Variants in GPC6 observed in about 807,000 individuals in gnomAD.
GPC6 encodes glypican 6.
In GPC6, 14 loss-of-function variants were observed where a neutral mutation model predicts 55.2. That is an observed-to-expected ratio of 0.25 (90% CI 0.17 to 0.40). GPC6 has a LOEUF of 0.40. GPC6 is among the 10% of genes least tolerant of loss of function. The pLI is 1.00. For missense variants in GPC6, 641 were observed against 708.5 expected, an observed-to-expected ratio of 0.90 and a Z score of 1.08; for synonymous variants, 278 against 259.6, an observed-to-expected ratio of 1.07 and a Z score of -0.68.
chr13:94,406,489 A>G lies in GPC6; in HGVS notation c.*3272A>G, dbSNP rs1881373605. 1 of 152,154 alleles carries G rather than the reference A, an allele frequency of 6.6e-6. No individual in the cohort carries two copies. Among genetic ancestry groups the G allele is most frequent in the Non-Finnish European group, 1.5e-5 (1 of 67,980 alleles). 9.4% of individuals were successfully genotyped at this position (152,154 alleles called of 1,614,324 possible). The stretch of plus-strand genomic sequence containing the variant: ...ACAATGACTTACCTAGCTAGCATCA[A>G]GTAACTTGTATCACCTGCTTTAAAT... On this transcript the variant is annotated 3_prime_UTR_variant, in exon 9 of 9. Coordinates refer to ENST00000377047, the MANE Select transcript of GPC6 (RefSeq NM_005708.5).
chr13:93,490,460 C>CTT (rs71123487), intron 1 of GPC6, among the ~76,000 whole-genome samples: 6,186 of 30,522 alleles, frequency 0.2, 939 homozygotes, highest in East Asian at 0.42. Flanking sequence ...ATTATTATTT[C>CTT]TTTTTTTTTT....
At chr13:93,812,153 G>A (rs1427451430) in intron 2 of GPC6, among the ~76,000 whole-genome samples, 1 of 121,162 alleles carries the variant, frequency 8.3e-6, no homozygotes, top group Admixed American at 8.3e-5. Flanking sequence ...GGGGGGGGGG[G>A]CGGGGGGTGG....
At chr13:93,848,698 G>A (rs1224441692) in intron 3 of GPC6, among the ~76,000 whole-genome samples, 1 of 152,034 alleles carries the variant, frequency 6.6e-6, no homozygotes, top group Non-Finnish European at 1.5e-5. Context: ...CCGCAGCCTT[G>A]CCTTTAAGTC....
intron 3 of GPC6, among the ~76,000 whole-genome samples, chr13:93,948,378 A>G (rs576794760): frequency 5.9e-5 from 9 of 152,292 alleles, no homozygotes; most frequent in East Asian, 3.9e-4. Flanking sequence ...AGAAGATCCA[A>G]TTATTCTTGT....
intron 4 of GPC6, among the ~76,000 whole-genome samples, chr13:94,032,937 A>T (rs192913119): frequency 3.5e-4 from 53 of 152,328 alleles, no homozygotes; most frequent in Non-Finnish European, 5.1e-4. Context: ...ATTCTGTCAC[A>T]TATTCATTAG....
At chr13:93,916,645 C>G (rs987249876) in intron 3 of GPC6, among the ~76,000 whole-genome samples, 3 of 151,880 alleles carry the variant, frequency 2.0e-5, no homozygotes, top group Non-Finnish European at 1.5e-5. Context: ...TTTCTGCTGG[C>G]AAAAACTAGA....
chr13:94,095,811 A>C (rs79172041), intron 4 of GPC6, among the ~76,000 whole-genome samples: 1 of 152,338 alleles, frequency 6.6e-6, no homozygotes, highest in East Asian at 1.9e-4. Flanking sequence ...AAATTGAAAG[A>C]AAAGTCGACC....
intron 1 of GPC6, among the ~76,000 whole-genome samples, chr13:93,368,602 T>C: frequency 6.6e-6 from 1 of 151,950 alleles, no homozygotes; most frequent in East Asian, 1.9e-4. Context: ...GAAACCCAGC[T>C]TAGTTTCCCT....
chr13:93,784,102 A>G (rs1241152330), intron 2 of GPC6, among the ~76,000 whole-genome samples: 1 of 152,216 alleles, frequency 6.6e-6, no homozygotes, highest in Non-Finnish European at 1.5e-5. Flanking sequence ...ATGTACATAA[A>G]GCAGTACCTA....
intron 3 of GPC6, among the ~76,000 whole-genome samples, chr13:93,969,215 G>A (rs936071782): frequency 1.3e-5 from 2 of 152,192 alleles, no homozygotes; most frequent in Non-Finnish European, 2.9e-5. Flanking sequence ...ACTGTGGTTT[G>A]ATACTGATTG....
Position 93,941,062 on chromosome 13 carries a change from A to C in GPC6, c.712-86667A>C, listed in dbSNP as rs143702951. 2.2e-4 allele frequency among the ~76,000 whole-genome samples: 33 copies of C among 152,328 alleles called. 1 individual carries two copies. In the South Asian group the frequency reaches 2.5e-3, roughly 11 times the overall value. On this transcript the variant is annotated intron_variant, in intron 3 of 8. Coordinates refer to ENST00000377047, the MANE Select transcript of GPC6 (RefSeq NM_005708.5). ...ATTTCCTTTCCTTCTCATAAAACTT[A>C]ATCATTAAATATGGGCAACAGGCTT...
In GPC6 at chr13:93,251,608, A is replaced by G. The variant is rs1876789333; in HGVS notation, c.160+23992A>G. ...CTTGTCTCATGCTTGCAAATTGGTT[A>G]AAGTTTTCTTACCTTTTCAACTCTG... On this transcript the variant is annotated intron_variant, in intron 1 of 8. Coordinates refer to ENST00000377047, the MANE Select transcript of GPC6 (RefSeq NM_005708.5). Among the ~76,000 whole-genome samples the G allele has an allele frequency of 2.6e-5, 4 of 152,170 alleles. 1 individual carries two copies. In the South Asian group the frequency reaches 8.3e-4, roughly 32 times the overall value.
intron 1 of GPC6, among the ~76,000 whole-genome samples, chr13:93,440,146 C>T (rs1235109897): frequency 6.6e-6 from 1 of 152,126 alleles, no homozygotes; most frequent in Non-Finnish European, 1.5e-5. Flanking sequence ...ACCTGATAAT[C>T]AAGGCCAAGA....
chr13:93,628,044 A>G (rs981959514), intron 2 of GPC6, among the ~76,000 whole-genome samples: 5 of 152,204 alleles, frequency 3.3e-5, no homozygotes, highest in African/African-American at 9.6e-5. Context: ...GACTGTTCTT[A>G]AGCACCAAAG....
intron 4 of GPC6, among the ~76,000 whole-genome samples, chr13:94,139,571 A>G (rs115762815): frequency 1.3e-5 from 2 of 152,284 alleles, no homozygotes; most frequent in Non-Finnish European, 1.5e-5. Flanking sequence ...TTATTGTGAT[A>G]GCTGAAATGG....
At chr13:93,567,276 G>T (rs1256734295) in intron 2 of GPC6, among the ~76,000 whole-genome samples, 1 of 152,152 alleles carries the variant, frequency 6.6e-6, no homozygotes. Flanking sequence ...TGACTACCTT[G>T]TTTGTTTGAG....
In GPC6 at chr13:94,097,630, A is replaced by T. The variant is rs149393038; in HGVS notation, c.877+69736A>T. Among the ~76,000 whole-genome samples, 1,267 of 152,296 alleles carry T rather than the reference A, an allele frequency of 8.3e-3. 22 individuals carry two copies. Among genetic ancestry groups the T allele is most frequent in the African/African-American group, 0.029 (1,206 of 41,576 alleles). ...ATGTGAATATACTTAACACTACTGA[A>T]CTGTTCACTTTAAAATAGTTAAGAT... On this transcript the variant is annotated intron_variant, in intron 4 of 8. Transcript: ENST00000377047.
chr13:93,505,431 GCACA>G (rs553520936), intron 1 of GPC6, among the ~76,000 whole-genome samples: 6 of 109,826 alleles, frequency 5.5e-5, no homozygotes, highest in East Asian at 3.9e-4. Flanking sequence ...TCACACACGT[GCACA>G]CACACACACA....
chr13:93,779,161 G>A (rs1054965750), intron 2 of GPC6, among the ~76,000 whole-genome samples: 6 of 151,860 alleles, frequency 4.0e-5, no homozygotes, highest in South Asian at 2.1e-4. Context: ...ATGCCTATTC[G>A]TGTGTGTTTC....
Sources: allele counts gnomAD v4.1 joint callset (sites outside exome capture counted in the v4.1 genomes callset), GRCh38; gene constraint gnomAD v4.1.1; transcripts MANE v1.5; gene names NCBI Gene and HGNC (gene_info 2026-07-23, HGNC 2026-07-21).